The following PRELID2 variants were observed in gnomAD, a reference collection of about 807,000 sequenced individuals.
PRELID2 encodes PRELI domain containing 2, also known as PRELI domain-containing protein 2.
In PRELID2, 25 loss-of-function variants were observed where a neutral mutation model predicts 28.4. The observed-to-expected ratio is 0.88, with a 90% CI of 0.64 to 1.23. The LOEUF (loss-of-function observed/expected upper bound fraction) is 1.23. Among genes scored for constraint, PRELID2 ranks in the 50% most tolerant of loss-of-function variants. PRELID2 has a pLI of 0.00. For synonymous variants in PRELID2, 76 were observed against 71.6 expected, an observed-to-expected ratio of 1.06 and a Z score of -0.31; for missense variants, 201 against 214.4, an observed-to-expected ratio of 0.94 and a Z score of 0.39.
intron 1 of PRELID2, among the ~76,000 whole-genome samples, chr5:145,734,232 C>T (rs536486005): frequency 2.6e-5 from 4 of 152,304 alleles, no homozygotes; most frequent in African/African-American, 9.6e-5. Flanking sequence ...CCTCGCACCT[C>T]AGCCTCCTGA....
intron 1 of PRELID2, among the ~76,000 whole-genome samples, chr5:145,691,551 A>G (rs933032327): frequency 6.6e-6 from 1 of 152,016 alleles, no homozygotes; most frequent in Admixed American, 6.6e-5. Flanking sequence ...TAAAAATACA[A>G]ACAAACAAAC....
At chr5:145,711,116 G>T (rs1047716338) in intron 1 of PRELID2, among the ~76,000 whole-genome samples, 1 of 152,088 alleles carries the variant, frequency 6.6e-6, no homozygotes, top group Non-Finnish European at 1.5e-5. Flanking sequence ...CCTGCCATCT[G>T]CCCGCTTTTA....
chr5:145,581,813 T>C (rs1753110094), intron 1 of PRELID2, among the ~76,000 whole-genome samples: 1 of 152,060 alleles, frequency 6.6e-6, no homozygotes, highest in South Asian at 2.1e-4. Flanking sequence ...GGACCAGTCA[T>C]GCACCACATA....
chr5:145,745,843 TAA>T (rs1756976466), intron 1 of PRELID2, among the ~76,000 whole-genome samples: 1 of 142,306 alleles, frequency 7.0e-6, no homozygotes, highest in Non-Finnish European at 1.5e-5. Flanking sequence ...CCCTGGGTGA[TAA>T]GAGTGAAACT....
chr5:145,453,969 G>C, the PRELID2 span, among the ~76,000 whole-genome samples: 1 of 151,902 alleles, frequency 6.6e-6, no homozygotes. Flanking sequence ...TAATCCTTTG[G>C]GTATATACCC....
At chr5:145,740,311 TATATATATAA>T (rs1352529586) in intron 1 of PRELID2, among the ~76,000 whole-genome samples, 15 of 94,028 alleles carry the variant, frequency 1.6e-4, no homozygotes, top group East Asian at 6.9e-4. Context: ...TATATATATA[TATATATATAA>T]ATCCTAAATG....
rs146242487 is a variant in PRELID2, at chr5:145,499,766, C to A, written n.71-26451G>T. ...AAAGGGAGCTGATGTAAACCCCTGA[C>A]CCCGAAATGAAAGGACAGCAGAGAA... On this transcript the variant is annotated intron_variant and non_coding_transcript_variant, in intron 1 of 2. Transcript: ENST00000510259. Among the ~76,000 whole-genome samples, 369 of 152,308 alleles carry A rather than the reference C, an allele frequency of 2.4e-3. 1 individual carries two copies. The highest frequency in any genetic ancestry group is 8.4e-3 in the African/African-American group (348 of 41,572).
chr5:145,820,542 C>T (rs1004014383), intron 2 of PRELID2, among the ~76,000 whole-genome samples: 29 of 152,208 alleles, frequency 1.9e-4, no homozygotes, highest in Non-Finnish European at 3.7e-4. Context: ...CCTTTTGTAC[C>T]AAACTTTCAA....
the PRELID2 span, among the ~76,000 whole-genome samples, chr5:145,286,641 C>A: frequency 6.6e-6 from 1 of 151,306 alleles, no homozygotes; most frequent in African/African-American, 2.4e-5. Flanking sequence ...CCACTGGGAA[C>A]TTATTTCCAG....
At chr5:145,391,688 T>G in the PRELID2 span, among the ~76,000 whole-genome samples, 167 of 152,212 alleles carry the variant, frequency 1.1e-3, 1 homozygote, top group African/African-American at 2.6e-3. Flanking sequence ...TGTTTTGTTT[T>G]TTTTTTTTTT....
the PRELID2 span, among the ~76,000 whole-genome samples, chr5:145,341,408 T>C: frequency 6.6e-6 from 1 of 151,992 alleles, no homozygotes; most frequent in South Asian, 2.1e-4. Context: ...AGAGATAGAT[T>C]TTTTTTCTGT....
chr5:145,776,312 T>C (rs1758406073), intron 5 of PRELID2, among the ~76,000 whole-genome samples: 1 of 152,202 alleles, frequency 6.6e-6, no homozygotes, highest in Non-Finnish European at 1.5e-5. Flanking sequence ...AGATCAACCG[T>C]TGCAGTATCA....
rs1388081524 is a variant in PRELID2, at chr5:145,758,785, A to G, written c.*1751T>C. On this transcript the variant is annotated 3_prime_UTR_variant, in exon 7 of 7. Coordinates refer to ENST00000683046, the MANE Select transcript of PRELID2 (RefSeq NM_205846.3). ...TACCATTATTTTTCCCTCCAACACA[A>G]TTGAAGAATGAAACACTATGAAGCT... 2.0e-5 allele frequency among the ~76,000 whole-genome samples: 3 copies of G among 152,184 alleles called. No homozygotes were observed. Among genetic ancestry groups the G allele is most frequent in the African/African-American group, 7.2e-5 (3 of 41,450 alleles).
chr5:145,323,175 A>AG, the PRELID2 span, among the ~76,000 whole-genome samples: 230 of 150,946 alleles, frequency 1.5e-3, 4 homozygotes, highest in East Asian at 0.039. Context: ...GCACCAGCAG[A>AG]GGGGAAAAAA....
chr5:145,348,266 T>C, the PRELID2 span, among the ~76,000 whole-genome samples: 2 of 152,136 alleles, frequency 1.3e-5, no homozygotes, highest in South Asian at 4.1e-4. Context: ...CAAAACATAA[T>C]CAGTGAATCT....
chr5:145,830,509 C>T (rs1326642799), intron 1 of PRELID2, among the ~76,000 whole-genome samples: 1 of 152,200 alleles, frequency 6.6e-6, no homozygotes, highest in African/African-American at 2.4e-5. Flanking sequence ...TTCATCTATG[C>T]AACTTTGTGT....
At chr5:145,670,732 T>A (rs1278494959) in intron 1 of PRELID2, among the ~76,000 whole-genome samples, 1 of 152,186 alleles carries the variant, frequency 6.6e-6, no homozygotes, top group Non-Finnish European at 1.5e-5. Context: ...CTGTCTTTTT[T>A]GGCTCTGCAA....
intron 5 of PRELID2, among the ~76,000 whole-genome samples, chr5:145,791,027 G>A (rs997536655): frequency 4.6e-5 from 7 of 151,910 alleles, no homozygotes; most frequent in Non-Finnish European, 8.8e-5. Flanking sequence ...AATGGATGAT[G>A]TCTGTTTTCA....
At chr5:145,528,406 G>A (rs115180885) in intron 1 of PRELID2, among the ~76,000 whole-genome samples, 1,785 of 152,086 alleles carry the variant, frequency 0.012, 30 homozygotes, top group African/African-American at 0.034. Context: ...CTATAATGAC[G>A]GAAGCTGGCA....
Sources: allele counts gnomAD v4.1 joint callset (sites outside exome capture counted in the v4.1 genomes callset), GRCh38; gene constraint gnomAD v4.1.1; transcripts MANE v1.5; gene names NCBI Gene and HGNC (gene_info 2026-07-23, HGNC 2026-07-21).